LEO1: variants seen among roughly 807,000 people sequenced by gnomAD.
LEO1 encodes the protein RNA polymerase-associated protein LEO1.
A neutral mutation model predicts 80.4 loss-of-function variants in LEO1; 34 were observed. That is an observed-to-expected ratio of 0.42 (90% CI 0.32 to 0.56). LEO1 has a LOEUF of 0.56. Ranked by LOEUF, LEO1 falls within the 20% of genes least tolerant of loss-of-function variation. The pLI is 0.10. For missense variants in LEO1, 631 were observed against 814.2 expected, an observed-to-expected ratio of 0.77 and a Z score of 2.74; for synonymous variants, 262 against 274.9, an observed-to-expected ratio of 0.95 and a Z score of 0.46.
At chr15:51,953,022 T>A (rs1469385779) in intron 8 of LEO1, 107 bp downstream of exon 8, 2 of 881,860 alleles carry the variant, frequency 2.3e-6, no homozygotes, top group Admixed American at 2.5e-5. Context: ...TGGTTCTTGC[T>A]GAATCATACC....
Position 51,966,134 on chromosome 15 carries a change from T to A in LEO1, c.429A>T (p.Glu143Asp). 1 of 1,614,104 alleles carries A rather than the reference T, an allele frequency of 6.2e-7. No homozygotes were observed. Among genetic ancestry groups the A allele is most frequent in the Non-Finnish European group, 8.5e-7 (1 of 1,180,048 alleles). ...CACTTTTATCTTCTCTGCCCCATTT[T>A]TCATCATCTGAATGTGCTTTTTCAG... ...EGSEKAHSDD[E>D]KWGREDKSDQ... Residue 143 changes from glutamate to aspartate, a missense_variant, in exon 2 of 12, where the codon GAA becomes GAT. Glu to Asp is a conservative substitution (Grantham distance 45, BLOSUM62 2). Coordinates refer to ENST00000299601, the MANE Select transcript of LEO1 (RefSeq NM_138792.4).
chr15:51,961,834 TAAG>T (rs781553624), intron 3 of LEO1, among the ~76,000 whole-genome samples: 2 of 150,886 alleles, frequency 1.3e-5, no homozygotes, highest in Admixed American at 6.6e-5. Flanking sequence ...TCCATCCCAA[TAAG>T]AAGGTCAGCC....
At chr15:51,939,693 G>T (rs967407752) in intron 11 of LEO1, among the ~76,000 whole-genome samples, 1 of 152,186 alleles carries the variant, frequency 6.6e-6, no homozygotes, top group African/African-American at 2.4e-5. Context: ...ATCTTAAAAC[G>T]TTTTACATGC....
Position 51,946,787 on chromosome 15 carries a change from C to G in LEO1, c.1896+505G>C, listed in dbSNP as rs367579303. 9.9e-5 allele frequency among the ~76,000 whole-genome samples: 15 copies of G among 152,256 alleles called. No homozygotes were observed. The East Asian group carries it at 1.7e-3, about 18-fold the overall frequency. On this transcript the variant is annotated intron_variant, in intron 11 of 11. Transcript: ENST00000299601. ...AAACTCCTGAGCTCAAGCAATCTGT[C>G]TGCCTAGCCCTCCCAGAATACTGGG...
At chr15:51,950,051 T>C (rs1304071197) in intron 9 of LEO1, 57 bp from the exon 10 acceptor site, 30 of 1,411,558 alleles carry the variant, frequency 2.1e-5, no homozygotes, top group Non-Finnish European at 2.2e-5. Context: ...TGTGCCCACT[T>C]GAACCCACTT....
intron 1 of LEO1, among the ~76,000 whole-genome samples, chr15:51,969,581 C>T (rs562244579): frequency 1.3e-5 from 2 of 151,368 alleles, no homozygotes; most frequent in African/African-American, 2.4e-5. Context: ...GCAGGAGAAT[C>T]GCTTGAACCT....
chr15:51,942,041 C>G (rs1261214997), intron 11 of LEO1, among the ~76,000 whole-genome samples: 1 of 152,194 alleles, frequency 6.6e-6, no homozygotes, highest in Non-Finnish European at 1.5e-5. Context: ...GACCTGGGGT[C>G]TGAAAACTCC....
At chr15:51,953,547 G>A (rs1483565434) in intron 7 of LEO1, among the ~76,000 whole-genome samples, 6 of 152,028 alleles carry the variant, frequency 3.9e-5, no homozygotes, top group African/African-American at 1.2e-4. Context: ...TTGAACCCGG[G>A]AAGTGGAGGT....
At chr15:51,971,632 G>A in intron 1 of LEO1, 56 bp downstream of exon 1, 4 of 1,572,970 alleles carry the variant, frequency 2.5e-6, no homozygotes, top group Non-Finnish European at 3.5e-6. Flanking sequence ...CGGTTGTCCG[G>A]CTCCCACAGC....
intron 3 of LEO1, among the ~76,000 whole-genome samples, chr15:51,961,186 C>T (rs1009998130): frequency 2.0e-5 from 3 of 152,088 alleles, no homozygotes; most frequent in Non-Finnish European, 4.4e-5. Flanking sequence ...AGTTTGACAC[C>T]AGCCTGACCA....
Position 51,938,184 on chromosome 15 carries a change from C to G in LEO1, c.1973G>C (p.Ser658Thr). 2 of 1,603,366 alleles carry G rather than the reference C, an allele frequency of 1.2e-6. No homozygotes were observed. Among genetic ancestry groups the G allele is most frequent in the Admixed American group, 1.7e-5 (1 of 59,864 alleles). Reference sequence around the variant, plus strand: ...ATCATCATCTTCTTCCTCTTCATCGCTGATCACATACTTCTTATGCTTTTT... The same window carrying G: ...ATCATCATCTTCTTCCTCTTCATCGGTGATCACATACTTCTTATGCTTTTT... ...ANKKHKKYVI[S>T]DEEEEDDD The change falls in exon 12 of 12, where the codon AGC becomes ACC. Residue 658 changes from serine (S) to threonine (T), a missense_variant. By Grantham distance (58) the Ser-to-Thr change is moderately conservative. Transcript: ENST00000299601.
At chr15:51,940,038 G>A (rs1426193341) in intron 11 of LEO1, among the ~76,000 whole-genome samples, 13 of 152,032 alleles carry the variant, frequency 8.6e-5, no homozygotes, top group East Asian at 3.9e-4. Flanking sequence ...GGCAGATCAC[G>A]AGGTCAGGAG....
At chr15:51,960,858 C>G (rs570637437) in intron 3 of LEO1, 125 bp from the exon 4 acceptor site, 1 of 622,034 alleles carries the variant, frequency 1.6e-6, no homozygotes, top group South Asian at 2.0e-5. Flanking sequence ...AAACATAATG[C>G]TGAGCCTGGC....
intron 3 of LEO1, 106 bp downstream of exon 3, chr15:51,962,283 G>A: frequency 1.5e-6 from 1 of 653,652 alleles, no homozygotes; most frequent in African/African-American, 1.8e-5. Context: ...CTCTTATTCT[G>A]TGGGTCTGGC....
chr15:51,964,739 A>C (rs2057061430), intron 2 of LEO1, among the ~76,000 whole-genome samples: 1 of 152,182 alleles, frequency 6.6e-6, no homozygotes, highest in Admixed American at 6.5e-5. Context: ...AGAAGATAGG[A>C]TCAAAATATA....
intron 3 of LEO1, among the ~76,000 whole-genome samples, chr15:51,962,088 A>G (rs563926835): frequency 9.9e-5 from 15 of 151,832 alleles, no homozygotes; most frequent in African/African-American, 3.6e-4. Flanking sequence ...GCTTGAACCC[A>G]GGAGGCAGCA....
At position 51,938,258 on chromosome 15, in the gene LEO1, T is replaced by C. The variant is rs759607067; in HGVS notation, c.1899A>G (p.Glu633=). 6.4e-7 allele frequency: 1 copy of C among 1,559,428 alleles called. No homozygotes were observed. The change falls in exon 12 of 12, where the codon GAA becomes GAG. Residue 633 remains glutamate (E), a splice_region_variant and synonymous_variant. Transcript: ENST00000299601. ...LKAKKLTSDE[E]GEPSGKRKAE... is the part of the protein sequence containing the mutation. The stretch of plus-strand genomic sequence containing the variant: ...CTTTTCTCTTTCCGGAAGGTTCACC[T>C]TCCTAAACAGATACAATTTTTACAA...
chr15:51,960,205 T>C (rs1379198898), intron 4 of LEO1, among the ~76,000 whole-genome samples, 161 bp from the exon 5 acceptor site: 1 of 152,100 alleles, frequency 6.6e-6, no homozygotes, highest in Non-Finnish European at 1.5e-5. Flanking sequence ...ACACACAAAA[T>C]GGGAAACGAT....
At chr15:51,940,556 G>A (rs2959289) in intron 11 of LEO1, among the ~76,000 whole-genome samples, 49,989 of 148,720 alleles carry the variant, frequency 0.34, 9,153 homozygotes, top group Middle Eastern at 0.42. Flanking sequence ...GCGAGACTCC[G>A]TCTCAAAAAA....
Sources: allele counts gnomAD v4.1 joint callset (sites outside exome capture counted in the v4.1 genomes callset), GRCh38; gene constraint gnomAD v4.1.1; transcripts MANE v1.5; gene names NCBI Gene and HGNC (gene_info 2026-07-23, HGNC 2026-07-21).